The following CUL2 variants were observed in gnomAD, a reference collection of about 807,000 sequenced individuals.
CUL2 encodes cullin 2, also known as cullin-2.
Under a neutral mutation model 110.2 loss-of-function variants are expected in CUL2, and 22 were observed. The observed-to-expected ratio is 0.20, with a 90% CI of 0.14 to 0.28. The LOEUF (loss-of-function observed/expected upper bound fraction) is 0.28, where lower values mean the gene tolerates loss of function less well. CUL2 is among the 10% of genes least tolerant of loss of function. The pLI is 1.00. For synonymous variants in CUL2, 279 were observed against 293.2 expected (o/e 0.95, Z 0.49); for missense variants, 631 against 905.5 (o/e 0.70, Z 3.89).
intron 16 of CUL2, among the ~76,000 whole-genome samples, chr10:35,028,554 T>C (rs1437251359): frequency 6.6e-6 from 1 of 152,228 alleles, no homozygotes; most frequent in South Asian, 2.1e-4. Flanking sequence ...AACTGCTTAA[T>C]AGCAGATGAT....
At chr10:35,066,307 C>CTT (rs915291009) in intron 2 of CUL2, among the ~76,000 whole-genome samples, 1 of 145,572 alleles carries the variant, frequency 6.9e-6, no homozygotes. Context: ...AATTTGCTGA[C>CTT]TTTTTTTTTT....
chr10:35,098,027 G>A (rs1305891519), intron 2 of CUL2: 4 of 151,956 alleles, frequency 2.6e-5, no homozygotes, highest in Admixed American at 6.6e-5. Context: ...GTCTTTAATC[G>A]GAAAAGCTCA....
intron 3 of CUL2, among the ~76,000 whole-genome samples, chr10:35,061,521 T>G (rs551724473): frequency 6.0e-5 from 9 of 150,538 alleles, no homozygotes; most frequent in Admixed American, 6.0e-4. Flanking sequence ...TGCAAAAAAA[T>G]TATTAATGTC....
At chr10:35,064,230 A>T (rs929223274) in intron 2 of CUL2, 8 of 152,250 alleles carry the variant, frequency 5.3e-5, no homozygotes, top group African/African-American at 1.9e-4. Flanking sequence ...ACCTATGAGC[A>T]ACCTGAGACC....
chr10:35,066,499 C>T (rs530551260), intron 2 of CUL2, among the ~76,000 whole-genome samples: 2 of 152,180 alleles, frequency 1.3e-5, no homozygotes, highest in African/African-American at 4.8e-5. Flanking sequence ...GGGGTTTAAC[C>T]ATGTTGGCCA....
intron 1 of CUL2, among the ~76,000 whole-genome samples, chr10:35,114,811 A>C (rs1349986009): frequency 2.6e-5 from 3 of 116,918 alleles, no homozygotes; most frequent in Non-Finnish European, 5.2e-5. Flanking sequence ...AGAAATGAAA[A>C]TGCAAGGTCT....
chr10:35,075,337 G>A (rs1054663882), intron 1 of CUL2, among the ~76,000 whole-genome samples: 24 of 152,018 alleles, frequency 1.6e-4, no homozygotes, highest in Admixed American at 7.9e-4. Context: ...TAACATTCAG[G>A]GAAAGTTTAC....
At chr10:35,125,106 T>G (rs550152830) in intron 1 of CUL2, among the ~76,000 whole-genome samples, 16 of 152,342 alleles carry the variant, frequency 1.1e-4, no homozygotes, top group South Asian at 1.0e-3. Context: ...AACCTTATGC[T>G]TCCCCTAAGA....
chr10:35,055,055 G>T (rs995916679), intron 4 of CUL2, among the ~76,000 whole-genome samples: 3 of 152,104 alleles, frequency 2.0e-5, no homozygotes, highest in Non-Finnish European at 4.4e-5. Context: ...AGAGGAAAAT[G>T]AATTATACTA....
intron 4 of CUL2, among the ~76,000 whole-genome samples, chr10:35,058,947 C>T (rs1201792127): frequency 6.6e-6 from 1 of 152,146 alleles, no homozygotes; most frequent in Non-Finnish European, 1.5e-5. Flanking sequence ...GGGGTCAAGA[C>T]TTCAGGGGAG....
chr10:35,117,547 T>C (rs2087624405), intron 1 of CUL2, among the ~76,000 whole-genome samples: 1 of 151,786 alleles, frequency 6.6e-6, no homozygotes, highest in African/African-American at 2.4e-5. Context: ...TTTTTTTAAC[T>C]GCTGTAAAAG....
Position 35,071,580 on chromosome 10 carries a change from AT to A in CUL2, c.-22-242del, listed in dbSNP as rs768059806. Among the ~76,000 whole-genome samples the A allele has an allele frequency of 5.8e-4, 87 of 150,770 alleles. 1 individual carries two copies. The highest frequency in any genetic ancestry group is 1.9e-3 in the African/African-American group (77 of 41,086). On this transcript the variant is annotated intron_variant, in intron 1 of 20. Coordinates refer to ENST00000374749, the MANE Select transcript of CUL2 (RefSeq NM_003591.4). ...CCACCATGCCCAGCTAATTTTTTGT[AT>A]TTTTTTTTAGTAGAGACGGGGTTTC...
chr10:35,023,926 G>T (rs924497115), intron 17 of CUL2, among the ~76,000 whole-genome samples: 7 of 152,106 alleles, frequency 4.6e-5, no homozygotes, highest in African/African-American at 1.7e-4. Flanking sequence ...CCTCCAGCTC[G>T]TGGGCTCAAG....
chr10:35,072,688 G>A (rs962390547), intron 1 of CUL2, among the ~76,000 whole-genome samples: 2 of 152,156 alleles, frequency 1.3e-5, no homozygotes, highest in Non-Finnish European at 2.9e-5. Flanking sequence ...TTTTAAGGGA[G>A]TTCAAAGACT....
At position 35,008,583 on chromosome 10, in the gene CUL2, T is replaced by TATC. The variant is rs1323642173; in HGVS notation, c.*1725_*1727dup. 4 of 152,228 alleles carry TATC rather than the reference T, an allele frequency of 2.6e-5. No homozygotes were observed. Among genetic ancestry groups the TATC allele is most frequent in the Non-Finnish European group, 5.9e-5 (4 of 68,036 alleles). 9.4% of individuals were successfully genotyped at this position (152,228 alleles called of 1,614,324 possible). On this transcript the variant is annotated 3_prime_UTR_variant, in exon 21 of 21. Coordinates refer to ENST00000374749, the MANE Select transcript of CUL2 (RefSeq NM_003591.4). The stretch of plus-strand genomic sequence containing the variant: ...GGAAAACTTTTATCAATCAACAAGT[T>TATC]ATCAAAACAAGGGTTTGCTTTTTGA...
Position 35,010,210 on chromosome 10 carries a change from A to C in CUL2, c.*101T>G, listed in dbSNP as rs2084864737. The C allele has an allele frequency of 7.6e-7, 1 of 1,318,976 alleles. No homozygotes were observed. The highest frequency in any genetic ancestry group is 9.9e-7 in the Non-Finnish European group (1 of 1,007,422). 81.7% of individuals were successfully genotyped at this position (1,318,976 alleles called of 1,614,324 possible). On this transcript the variant is annotated 3_prime_UTR_variant, in exon 21 of 21. Coordinates refer to ENST00000374749, the MANE Select transcript of CUL2 (RefSeq NM_003591.4). Reference sequence around the variant, plus strand: ...TAAACAGCAGAAAACAGGGGCTGCCAAATGACCAAATTATGGAGGCACAGT... The same window carrying C: ...TAAACAGCAGAAAACAGGGGCTGCCCAATGACCAAATTATGGAGGCACAGT...
intron 1 of CUL2, among the ~76,000 whole-genome samples, chr10:35,080,453 ATTT>A (rs2086918751): frequency 6.8e-6 from 1 of 146,698 alleles, no homozygotes. Flanking sequence ...TTATTTATTT[ATTT>A]ATTTATTTAT....
chr10:35,049,830 GT>G (rs566362886), intron 5 of CUL2, 65 bp from the exon 6 acceptor site: 46 of 1,083,110 alleles, frequency 4.2e-5, no homozygotes, highest in Middle Eastern at 2.0e-4. Flanking sequence ...TTTCCTCAAG[GT>G]TTTTTTTAAC....
chr10:35,100,341 T>C (rs773865984), intron 2 of CUL2, among the ~76,000 whole-genome samples: 1 of 152,240 alleles, frequency 6.6e-6, no homozygotes, highest in Admixed American at 6.5e-5. Context: ...CTGCACTACA[T>C]GTAACAAGTT....
Sources: gnomAD v4.1 joint callset for allele counts (sites outside exome capture counted in the v4.1 genomes callset) on GRCh38, gnomAD v4.1.1 for gene constraint, MANE v1.5 for transcripts, NCBI Gene and HGNC (gene_info 2026-07-23, HGNC 2026-07-21) for gene names.